Variants in NCK2 observed in about 807,000 individuals in gnomAD.
The protein encoded by NCK2 is NCK adaptor protein 2, also known as cytoplasmic protein NCK2.
A neutral mutation model predicts 33.9 loss-of-function variants in NCK2; 16 were observed. The ratio of observed to expected loss-of-function variants is 0.47; its 90% confidence interval spans 0.32 to 0.72. The LOEUF is 0.72. NCK2 is among the 30% of genes least tolerant of loss of function. NCK2 has a pLI of 0.03. For missense variants in NCK2, 418 were observed against 537.3 expected (o/e 0.78, Z 2.19); for synonymous variants, 273 against 239.9 (o/e 1.14, Z -1.27).
intron 3 of NCK2, among the ~76,000 whole-genome samples, chr2:105,860,623 C>A (rs1465494158): frequency 6.6e-6 from 1 of 152,038 alleles, no homozygotes; most frequent in African/African-American, 2.4e-5. Context: ...TGGGTGATCA[C>A]AAACAGTTGA....
intron 4 of NCK2, among the ~76,000 whole-genome samples, chr2:105,886,831 G>A (rs990114501): frequency 9.2e-5 from 14 of 152,194 alleles, no homozygotes; most frequent in African/African-American, 2.9e-4. Flanking sequence ...GGAACGCTCC[G>A]TTTGCCTAGA....
rs572737722 is a variant in NCK2, at chr2:105,850,417, C to T, written c.-16-4631C>T. The stretch of plus-strand genomic sequence containing the variant: ...TACCTATCCTATTTGTTTTTAAACC[C>T]ATTCCCATCCAAGACTTGAAAAGGC... On this transcript the variant is annotated intron_variant, in intron 2 of 4. Transcript: ENST00000233154. 4.6e-4 allele frequency among the ~76,000 whole-genome samples: 70 copies of T among 152,262 alleles called. No homozygotes were observed. The South Asian group carries it at 0.012, about 26-fold the overall frequency.
At chr2:105,775,424 A>G (rs956688120) in intron 1 of NCK2, among the ~76,000 whole-genome samples, 1 of 152,178 alleles carries the variant, frequency 6.6e-6, no homozygotes, top group Non-Finnish European at 1.5e-5. Context: ...TTTAACCGAA[A>G]TTTAGTTTTT....
chr2:105,754,140 G>A (rs1281807411), intron 1 of NCK2, among the ~76,000 whole-genome samples: 1 of 152,238 alleles, frequency 6.6e-6, no homozygotes, highest in African/African-American at 2.4e-5. Context: ...CAGAGGGGCT[G>A]CAATTTGGGC....
chr2:105,790,800 A>G (rs568611566), intron 1 of NCK2, among the ~76,000 whole-genome samples: 1 of 152,314 alleles, frequency 6.6e-6, no homozygotes, highest in African/African-American at 2.4e-5. Context: ...GCTGATGCAC[A>G]TAGGCAAGAC....
At chr2:105,775,715 A>G (rs998392726) in intron 1 of NCK2, among the ~76,000 whole-genome samples, 26 of 151,822 alleles carry the variant, frequency 1.7e-4, no homozygotes, top group Non-Finnish European at 2.2e-4. Context: ...TTTCCTTCCT[A>G]CCCTGGGAGC....
At chr2:105,856,283 A>G (rs1330053064) in intron 3 of NCK2, among the ~76,000 whole-genome samples, 1 of 152,158 alleles carries the variant, frequency 6.6e-6, no homozygotes, top group Non-Finnish European at 1.5e-5. Context: ...TGAGAAAATA[A>G]TTGCGAGGAC....
At chr2:105,875,723 T>C (rs1472630082) in intron 3 of NCK2, among the ~76,000 whole-genome samples, 1 of 152,222 alleles carries the variant, frequency 6.6e-6, no homozygotes, top group Non-Finnish European at 1.5e-5. Context: ...GACATGGGGC[T>C]TCCAGCCTCC....
chr2:105,753,236 A>G (rs1001999285), intron 1 of NCK2, among the ~76,000 whole-genome samples: 1 of 152,206 alleles, frequency 6.6e-6, no homozygotes, highest in Non-Finnish European at 1.5e-5. Flanking sequence ...TTATCAGCCA[A>G]GTGGTTGGGG....
At chr2:105,822,888 G>A (rs529501098) in intron 2 of NCK2, among the ~76,000 whole-genome samples, 26 of 152,060 alleles carry the variant, frequency 1.7e-4, no homozygotes, top group Non-Finnish European at 3.4e-4. Context: ...TGCCTAGTAC[G>A]GCCCAGCGTT....
chr2:105,780,024 A>G (rs1363406792), intron 1 of NCK2, among the ~76,000 whole-genome samples: 5 of 152,138 alleles, frequency 3.3e-5, no homozygotes, highest in Non-Finnish European at 2.9e-5. Context: ...TACTCTTTTC[A>G]TAAACTACTC....
intron 1 of NCK2, among the ~76,000 whole-genome samples, chr2:105,778,794 C>T (rs903463342): frequency 3.9e-5 from 6 of 152,082 alleles, no homozygotes; most frequent in East Asian, 1.9e-4. Flanking sequence ...GTGATCATAG[C>T]TCGCTGCAGC....
In NCK2 at chr2:105,887,043, G is replaced by A. The variant is rs141877149; in HGVS notation, c.948+4994G>A. Among the ~76,000 whole-genome samples the A allele has an allele frequency of 2.2e-3, 331 of 152,318 alleles. 1 individual carries two copies. Among genetic ancestry groups the A allele is most frequent in the African/African-American group, 7.0e-3 (290 of 41,580 alleles). On this transcript the variant is annotated intron_variant, in intron 4 of 4. Coordinates refer to ENST00000233154, the MANE Select transcript of NCK2 (RefSeq NM_003581.5). ...GCTGGTGAGACTCTTCACACTTGGG[G>A]CAAGGAAGAGATAATCTGATGTAAA...
chr2:105,784,241 C>G (rs767658854), intron 1 of NCK2, among the ~76,000 whole-genome samples: 1 of 152,196 alleles, frequency 6.6e-6, no homozygotes, highest in Non-Finnish European at 1.5e-5. Context: ...AATGCTGGGA[C>G]TACAGGCATG....
At chr2:105,747,919 T>C (rs1385811162) in intron 1 of NCK2, among the ~76,000 whole-genome samples, 1 of 152,248 alleles carries the variant, frequency 6.6e-6, no homozygotes, top group Non-Finnish European at 1.5e-5. Flanking sequence ...TTTGCATTTC[T>C]TTAGGCCATT....
intron 1 of NCK2, among the ~76,000 whole-genome samples, chr2:105,782,774 A>G (rs1690543708): frequency 6.6e-6 from 1 of 152,180 alleles, no homozygotes; most frequent in African/African-American, 2.4e-5. Context: ...AGGAGGTTGC[A>G]AAGGCTGTTA....
rs1208866162 is a variant in NCK2 at position 105,817,588 on chromosome 2, A to G, written c.-17+975A>G. ...ATTTGCTCAAAAAAATTTACAAGAAAAAAAACAACCCCATCAACAAGTGGG... is the reference window on the plus strand; with the variant it reads ...ATTTGCTCAAAAAAATTTACAAGAAGAAAAACAACCCCATCAACAAGTGGG... On this transcript the variant is annotated intron_variant, in intron 2 of 4. Transcript: ENST00000233154. Among the ~76,000 whole-genome samples, 4 of 152,332 alleles carry G rather than the reference A, an allele frequency of 2.6e-5. 1 individual carries two copies. Among genetic ancestry groups the G allele is most frequent in the South Asian group, 4.1e-4 (2 of 4,824 alleles).
chr2:105,829,644 C>T (rs909043100), intron 2 of NCK2, among the ~76,000 whole-genome samples: 3 of 152,100 alleles, frequency 2.0e-5, no homozygotes, highest in African/African-American at 7.2e-5. Context: ...ATGATTTTCT[C>T]GTGAGGGTTT....
chr2:105,866,000 C>T (rs1415190203), intron 3 of NCK2, among the ~76,000 whole-genome samples: 1 of 152,070 alleles, frequency 6.6e-6, no homozygotes, highest in Non-Finnish European at 1.5e-5. Context: ...CCGCAACCTC[C>T]GCCTACCAGG....
Sources: gnomAD v4.1 joint callset for allele counts (sites outside exome capture counted in the v4.1 genomes callset) on GRCh38, gnomAD v4.1.1 for gene constraint, MANE v1.5 for transcripts, NCBI Gene and HGNC (gene_info 2026-07-23, HGNC 2026-07-21) for gene names.